The following DAB1 variants were observed in gnomAD, a reference collection of about 807,000 sequenced individuals.
DAB1 encodes DAB adaptor protein 1.
Under a neutral mutation model 64.6 loss-of-function variants are expected in DAB1, and 15 were observed. The ratio of observed to expected loss-of-function variants is 0.23; its 90% CI spans 0.16 to 0.36. The LOEUF (loss-of-function observed/expected upper bound fraction) is 0.36. Ranked by LOEUF, DAB1 falls within the 10% of genes least tolerant of loss-of-function variation. DAB1 has a pLI of 1.00. For synonymous variants in DAB1, 235 were observed against 251.9 expected (o/e 0.93, Z 0.64); for missense variants, 596 against 706.7 (o/e 0.84, Z 1.78).
At chr1:58,397,655 G>A (rs917813144) in intron 3 of DAB1, among the ~76,000 whole-genome samples, 1 of 152,110 alleles carries the variant, frequency 6.6e-6, no homozygotes, top group Admixed American at 6.5e-5. Flanking sequence ...TAGCATTCCT[G>A]CCTCCTTCCC....
At chr1:57,598,173 G>A (rs1374628324) in intron 7 of DAB1, among the ~76,000 whole-genome samples, 6 of 152,124 alleles carry the variant, frequency 3.9e-5, no homozygotes, top group Admixed American at 1.3e-4. Context: ...TAGTAAAGAC[G>A]AGGTTTCACC....
chr1:57,072,555 G>C (rs1651585306), intron 4 of DAB1, 141 bp from the exon 5 acceptor site: 4 of 770,562 alleles, frequency 5.2e-6, no homozygotes, highest in Non-Finnish European at 8.1e-6. Context: ...GAAAGAAAAA[G>C]AGCTATGCCT....
chr1:57,783,463 C>CT (rs1319027319), intron 6 of DAB1, among the ~76,000 whole-genome samples: 2 of 152,118 alleles, frequency 1.3e-5, no homozygotes, highest in Non-Finnish European at 2.9e-5. Flanking sequence ...ACTTTTATGA[C>CT]TTTTTAATTT....
intron 5 of DAB1, among the ~76,000 whole-genome samples, chr1:57,952,074 C>A (rs1453591231): frequency 1.3e-5 from 2 of 152,120 alleles, no homozygotes; most frequent in Non-Finnish European, 2.9e-5. Flanking sequence ...CATCCCTGTC[C>A]CTCAGTTTAG....
intron 7 of DAB1, among the ~76,000 whole-genome samples, chr1:57,494,732 C>T (rs1478213902): frequency 2.6e-5 from 4 of 152,154 alleles, no homozygotes; most frequent in Admixed American, 1.3e-4. Flanking sequence ...TCTGGTTTCT[C>T]GTCTCAATAT....
At chr1:58,472,145 CT>C (rs1376912271) in intron 3 of DAB1, among the ~76,000 whole-genome samples, 11 of 152,268 alleles carry the variant, frequency 7.2e-5, no homozygotes, top group African/African-American at 2.6e-4. Context: ...TTCTGTTCAC[CT>C]TCAATTATGC....
intron 1 of DAB1, among the ~76,000 whole-genome samples, chr1:57,408,480 C>A (rs1683840675): frequency 6.6e-6 from 1 of 152,106 alleles, no homozygotes; most frequent in Non-Finnish European, 1.5e-5. Flanking sequence ...ATAGGTTTTA[C>A]CACTAAATGA....
chr1:58,254,218 A>G (rs764458391), intron 4 of DAB1, among the ~76,000 whole-genome samples: 21 of 152,258 alleles, frequency 1.4e-4, no homozygotes, highest in Middle Eastern at 3.4e-3. Context: ...AAAATGATGT[A>G]ATTTTAATTA....
chr1:57,197,225 T>C (rs1201216784), intron 2 of DAB1, among the ~76,000 whole-genome samples: 2 of 151,676 alleles, frequency 1.3e-5, no homozygotes, highest in Non-Finnish European at 2.9e-5. Flanking sequence ...GTGTCTGTAA[T>C]CCCAGTTACT....
At chr1:57,605,841 G>A in intron 7 of DAB1, 1 of 558,556 alleles carries the variant, frequency 1.8e-6, no homozygotes, top group Non-Finnish European at 3.3e-6. Context: ...TATTAAGACA[G>A]TTGACTTAAG....
intron 9 of DAB1, among the ~76,000 whole-genome samples, chr1:57,049,911 C>A (rs922245621): frequency 5.9e-5 from 9 of 152,294 alleles, no homozygotes; most frequent in African/African-American, 2.2e-4. Flanking sequence ...TCTCTTCTGG[C>A]AGTATTTGTG....
At chr1:57,716,850 T>G (rs1647089860) in intron 6 of DAB1, among the ~76,000 whole-genome samples, 1 of 152,172 alleles carries the variant, frequency 6.6e-6, no homozygotes, top group Non-Finnish European at 1.5e-5. Flanking sequence ...CAGGGGTTAA[T>G]ACGTAGAATT....
At chr1:57,178,278 C>A (rs1421638487) in intron 2 of DAB1, among the ~76,000 whole-genome samples, 21 of 147,638 alleles carry the variant, frequency 1.4e-4, no homozygotes, top group Admixed American at 1.4e-3. Context: ...TAATTGCAAG[C>A]TTATGTACAC....
At chr1:57,428,532 T>G (rs1479899749), upstream of DAB1, among the ~76,000 whole-genome samples, 3 of 152,210 alleles carry the variant, frequency 2.0e-5, no homozygotes, top group Non-Finnish European at 4.4e-5. Flanking sequence ...ATTGTAGACA[T>G]ATATACCACA....
At chr1:58,376,232 G>A (rs572359128) in intron 3 of DAB1, among the ~76,000 whole-genome samples, 1 of 145,242 alleles carries the variant, frequency 6.9e-6, no homozygotes, top group African/African-American at 2.6e-5. Context: ...TTTTGAATGT[G>A]TTTGCTCTTG....
At chr1:57,422,671 C>T (rs1685015805) in intron 1 of DAB1, among the ~76,000 whole-genome samples, 1 of 152,106 alleles carries the variant, frequency 6.6e-6, no homozygotes, top group South Asian at 2.1e-4. Context: ...CCAGCCTAAG[C>T]GGAAGTGCCC....
intron 6 of DAB1, among the ~76,000 whole-genome samples, chr1:57,678,935 T>C (rs1038204762): frequency 1.8e-3 from 24 of 13,322 alleles, no homozygotes; most frequent in Non-Finnish European, 2.4e-3. Context: ...CCCGGCTAAT[T>C]TTTTTTTTTG....
chr1:58,083,603 G>T (rs535402407), intron 5 of DAB1, among the ~76,000 whole-genome samples: 1 of 152,112 alleles, frequency 6.6e-6, no homozygotes, highest in African/African-American at 2.4e-5. Context: ...ATTTAATTGC[G>T]CACTTAACAA....
chr1:57,588,041 C>A (rs1269272995), intron 7 of DAB1, among the ~76,000 whole-genome samples: 1 of 152,192 alleles, frequency 6.6e-6, no homozygotes, highest in East Asian at 1.9e-4. Context: ...TTTCTCTGTC[C>A]CTCTCCCCAC....
Sources: gnomAD v4.1 joint callset for allele counts (sites outside exome capture counted in the v4.1 genomes callset) on GRCh38, gnomAD v4.1.1 for gene constraint, MANE v1.5 for transcripts, NCBI Gene and HGNC (gene_info 2026-07-23, HGNC 2026-07-21) for gene names.